CPNE1: variants seen among roughly 807,000 people sequenced by gnomAD.
CPNE1 encodes copine-1.
In CPNE1, 58 loss-of-function variants were observed where a neutral mutation model predicts 63.2. The ratio of observed to expected loss-of-function variants is 0.92; its 90% CI spans 0.74 to 1.14. The LOEUF is 1.14. CPNE1 is among the 50% of genes most tolerant of loss of function. The pLI is 0.00. For synonymous variants in CPNE1, 237 were observed against 249.0 expected (o/e 0.95, Z 0.45); for missense variants, 672 against 661.7 (o/e 1.02, Z -0.17).
Position 35,654,982 on chromosome 20 carries a change from C to T in CPNE1, c.-1+9778G>A, listed in dbSNP as rs781042248. On this transcript the variant is annotated intron_variant, in intron 1 of 15. Transcript: ENST00000397443. ...TGTTGTGGGCAAGTTTACCCTGCTA[C>T]TCATTCCTGAGCTAGGTGGTGGTCC... 2.5e-6 allele frequency: 4 copies of T among 1,614,058 alleles called. No homozygotes were observed. The Admixed American group carries it at 5.0e-5, about 20-fold the overall frequency.
intron 1 of CPNE1, among the ~76,000 whole-genome samples, chr20:35,645,592 T>C (rs759654259): frequency 1.3e-5 from 2 of 152,238 alleles, no homozygotes; most frequent in Non-Finnish European, 2.9e-5. Flanking sequence ...GATACAGCTA[T>C]GGCTAAGCTG....
rs777419917 is a variant in CPNE1, at chr20:35,631,009, T to C, written c.887A>G (p.Asn296Ser). 26 of 1,613,572 alleles carry C rather than the reference T, an allele frequency of 1.6e-5. No individual in the cohort carries two copies. Among genetic ancestry groups the C allele is most frequent in the Middle Eastern group, 1.6e-4 (1 of 6,084 alleles). Residue 296 changes from asparagine (N) to serine (S), a missense_variant, in exon 11 of 16, where the codon AAT becomes AGT. By Grantham distance (46) the Asn-to-Ser change is conservative. Transcript: ENST00000397443. ...FTVGVDFTGS[N>S]GDPSSPDSLH... ...GGAGTCAGGTGAGGAGGGGTCTCCATTGGAGCCAGTGAAGTCCACGCCCAC... is the reference window on the plus strand; with the variant it reads ...GGAGTCAGGTGAGGAGGGGTCTCCACTGGAGCCAGTGAAGTCCACGCCCAC...
At chr20:35,637,892 T>C (rs915505152) in intron 1 of CPNE1, among the ~76,000 whole-genome samples, 5 of 152,200 alleles carry the variant, frequency 3.3e-5, no homozygotes, top group Non-Finnish European at 7.3e-5. Flanking sequence ...CAACCTTATT[T>C]ACCACCTCAG....
rs571154925 is a variant in CPNE1 at position 35,631,159 on chromosome 20, G to C, written c.816C>G (p.Tyr272Ter). The C allele has an allele frequency of 6.2e-7, 1 of 1,614,144 alleles. No homozygotes were observed. The highest frequency in any genetic ancestry group is 8.5e-7 in the Non-Finnish European group (1 of 1,180,010). Residue 272 changes from tyrosine (Y) to a stop codon, truncating the protein, a stop_gained, in exon 10 of 16, where the codon TAC becomes TAG. Coordinates refer to ENST00000397443, the MANE Select transcript of CPNE1 (RefSeq NM_152925.3). LOFTEE classifies it high-confidence loss of function. The part of the protein sequence containing the change: ...RVKICRVETE[Y>*]SFLDYVMGGC... ...CTCCCATCACATAGTCCAGAAAGGAGTACTCTGTTTCTACCTGCAAATGAA... is the reference window on the plus strand; with the variant it reads ...CTCCCATCACATAGTCCAGAAAGGACTACTCTGTTTCTACCTGCAAATGAA...
chr20:35,652,862 C>T (rs898448880), intron 1 of CPNE1: 1 of 1,611,712 alleles, frequency 6.2e-7, no homozygotes, highest in Non-Finnish European at 8.5e-7. Flanking sequence ...GCTGGTGGCC[C>T]ACCCAAATGC....
chr20:35,655,320 C>T (rs1186841319), intron 1 of CPNE1: 1 of 1,605,156 alleles, frequency 6.2e-7, no homozygotes, highest in Admixed American at 1.7e-5. Flanking sequence ...TGACCACAGC[C>T]ATGCTGCGCT....
At chr20:35,634,679 G>A (rs1216029264) in intron 1 of CPNE1, among the ~76,000 whole-genome samples, 3 of 152,058 alleles carry the variant, frequency 2.0e-5, no homozygotes, top group Admixed American at 6.6e-5. Context: ...ACCTGATCTC[G>A]GAGTGTCTCT....
intron 1 of CPNE1, chr20:35,654,872 A>C (rs1241229995): frequency 6.2e-7 from 1 of 1,614,048 alleles, no homozygotes; most frequent in African/African-American, 1.3e-5. Flanking sequence ...CTGGCTGTGG[A>C]AAATGTCTGT....
In CPNE1 at chr20:35,655,121, T is replaced by C; in HGVS notation, c.-1+9639A>G. 6.2e-7 allele frequency: 1 copy of C among 1,614,200 alleles called. No homozygotes were observed. The highest frequency in any genetic ancestry group is 2.2e-5 in the East Asian group (1 of 44,884). ...TTACTACTCAACAATAGTGTTACTT[T>C]TGACCCTTTAATTGTACCACCTGTG... On this transcript the variant is annotated intron_variant, in intron 1 of 15. Coordinates refer to ENST00000397443, the MANE Select transcript of CPNE1 (RefSeq NM_152925.3).
intron 14 of CPNE1, 41 bp downstream of exon 14, chr20:35,627,239 C>G: frequency 6.5e-7 from 1 of 1,549,798 alleles, no homozygotes; most frequent in Non-Finnish European, 8.8e-7. Context: ...TCAAGGAAGC[C>G]CTTGATTGCC....
intron 1 of CPNE1, among the ~76,000 whole-genome samples, chr20:35,635,121 C>T (rs77693596): frequency 0.017 from 2,615 of 152,088 alleles, 27 homozygotes; most frequent in Non-Finnish European, 0.029. Context: ...ACATGGCTCA[C>T]TGCTCCCTTT....
At chr20:35,661,324 T>C (rs1233744502) in intron 1 of CPNE1, among the ~76,000 whole-genome samples, 1 of 152,254 alleles carries the variant, frequency 6.6e-6, no homozygotes, top group African/African-American at 2.4e-5. Flanking sequence ...GTATTCTAAA[T>C]GTCAGCTAGC....
intron 1 of CPNE1, among the ~76,000 whole-genome samples, chr20:35,646,614 G>C (rs2033118512): frequency 6.6e-6 from 1 of 152,070 alleles, no homozygotes; most frequent in Non-Finnish European, 1.5e-5. Flanking sequence ...AGGGGCTTCA[G>C]TCTAAGAGTT....
At chr20:35,654,304 C>T in intron 1 of CPNE1, 3 of 1,614,182 alleles carry the variant, frequency 1.9e-6, no homozygotes, top group Non-Finnish European at 8.5e-7. Context: ...ATTATTTCGA[C>T]CTACATGATC....
At chr20:35,644,418 C>T (rs2032996808) in intron 1 of CPNE1, among the ~76,000 whole-genome samples, 1 of 152,128 alleles carries the variant, frequency 6.6e-6, no homozygotes, top group Non-Finnish European at 1.5e-5. Context: ...AGAGCAGTAC[C>T]CAGATCAAAA....
intron 1 of CPNE1, among the ~76,000 whole-genome samples, chr20:35,662,520 A>G (rs1362650713): frequency 4.6e-5 from 7 of 152,230 alleles, no homozygotes; most frequent in African/African-American, 1.7e-4. Context: ...GCCAGACAAA[A>G]GATATAAAAG....
chr20:35,626,045 T>C lies in CPNE1; in HGVS notation c.*196A>G. 4.6e-6 allele frequency: 3 copies of C among 653,298 alleles called. No homozygotes were observed. 40.5% of individuals were successfully genotyped at this position (653,298 alleles called of 1,614,324 possible). ...ACACAAGAGAGTGGTGGCAAAGCATTGGTCTTCACTGGTCTTTATTGAATG... is the reference window on the plus strand; with the variant it reads ...ACACAAGAGAGTGGTGGCAAAGCATCGGTCTTCACTGGTCTTTATTGAATG... On this transcript the variant is annotated 3_prime_UTR_variant, in exon 16 of 16. Coordinates refer to ENST00000397443, the MANE Select transcript of CPNE1 (RefSeq NM_152925.3).
chr20:35,631,042 G>A lies in CPNE1; in HGVS notation c.862-8C>T. On this transcript the variant is annotated splice_region_variant and splice_polypyrimidine_tract_variant and intron_variant, in intron 10 of 15. Coordinates refer to ENST00000397443, the MANE Select transcript of CPNE1 (RefSeq NM_152925.3). Reference sequence around the variant, plus strand: ...AGTGAAGTCCACGCCCACCTGGGAGGAGGTGAGGAAGGCAGCTAAAGGCCA... The same window carrying A: ...AGTGAAGTCCACGCCCACCTGGGAGAAGGTGAGGAAGGCAGCTAAAGGCCA... 6.2e-7 allele frequency: 1 copy of A among 1,614,218 alleles called. No homozygotes were observed.
At chr20:35,644,197 G>A (rs2032983784) in intron 1 of CPNE1, among the ~76,000 whole-genome samples, 4 of 152,190 alleles carry the variant, frequency 2.6e-5, no homozygotes, top group Non-Finnish European at 4.4e-5. Flanking sequence ...AAACAGGGAA[G>A]TGCACCTTTG....
Sources: gnomAD v4.1 joint callset for allele counts (sites outside exome capture counted in the v4.1 genomes callset) on GRCh38, gnomAD v4.1.1 for gene constraint, MANE v1.5 for transcripts, NCBI Gene and HGNC (gene_info 2026-07-23, HGNC 2026-07-21) for gene names.